The following HMCN1 variants were observed in gnomAD, a reference collection of about 807,000 sequenced individuals.
The protein encoded by HMCN1 is hemicentin 1.
In HMCN1, 321 loss-of-function variants were observed where a neutral mutation model predicts 625.9. That is an observed-to-expected ratio of 0.51 (90% CI 0.47 to 0.56). HMCN1 has a LOEUF of 0.56. HMCN1 is among the 20% of genes least tolerant of loss of function. The probability of loss-of-function intolerance (pLI) is 0.00; values close to 1 mark genes in which losing one functional copy is unlikely to be tolerated. For synonymous variants in HMCN1, 2,425 were observed against 2,417.6 expected (o/e 1.00, Z -0.09); for missense variants, 6,588 against 6,887.3 (o/e 0.96, Z 1.54).
At chr1:186,016,580 T>G (rs1040044098) in intron 32 of HMCN1, among the ~76,000 whole-genome samples, 2 of 152,096 alleles carry the variant, frequency 1.3e-5, no homozygotes, top group Non-Finnish European at 2.9e-5. Context: ...CTCTGGGCCT[T>G]GGAAAGTCAT....
At chr1:185,979,111 G>T (rs1571653348) in intron 16 of HMCN1, among the ~76,000 whole-genome samples, 1 of 152,128 alleles carries the variant, frequency 6.6e-6, no homozygotes, top group African/African-American at 2.4e-5. Flanking sequence ...CAGATATAGG[G>T]TCCCTCACTC....
chr1:185,775,921 C>T (rs1341851845), intron 1 of HMCN1, among the ~76,000 whole-genome samples: 1 of 152,116 alleles, frequency 6.6e-6, no homozygotes, highest in Non-Finnish European at 1.5e-5. Context: ...CTCTGCTGTA[C>T]CCTATGGTAA....
At chr1:186,043,895 C>A (rs959429650) in intron 40 of HMCN1, among the ~76,000 whole-genome samples, 36 of 151,968 alleles carry the variant, frequency 2.4e-4, no homozygotes, top group African/African-American at 7.5e-4. Flanking sequence ...CATGGTGAAA[C>A]CCTGTCTCCA....
At chr1:185,868,876 G>T (rs1663436225) in intron 4 of HMCN1, among the ~76,000 whole-genome samples, 1 of 152,130 alleles carries the variant, frequency 6.6e-6, no homozygotes, top group South Asian at 2.1e-4. Context: ...TGTTGTTAGT[G>T]TTTCTCTCCT....
chr1:185,784,047 C>T (rs141265137), intron 1 of HMCN1, among the ~76,000 whole-genome samples: 7,505 of 152,268 alleles, frequency 0.049, 564 homozygotes, highest in African/African-American at 0.17. Context: ...CAAGCCTCAG[C>T]AATGGCGGTC....
At chr1:186,170,161 G>A (rs960226327) in intron 100 of HMCN1, among the ~76,000 whole-genome samples, 1 of 152,144 alleles carries the variant, frequency 6.6e-6, no homozygotes, top group African/African-American at 2.4e-5. Context: ...TAAAAAGTCA[G>A]GAAACAACAA....
At chr1:185,807,721 T>C (rs1035348619) in intron 1 of HMCN1, among the ~76,000 whole-genome samples, 1 of 152,234 alleles carries the variant, frequency 6.6e-6, no homozygotes. Flanking sequence ...ACTTCTTTCA[T>C]GTTTATGAAT....
intron 8 of HMCN1, among the ~76,000 whole-genome samples, chr1:185,924,571 A>G (rs1667178501): frequency 3.3e-5 from 5 of 152,108 alleles, no homozygotes. Context: ...ACCAACCTCA[A>G]TATTTCCTCA....
intron 64 of HMCN1, 84 bp downstream of exon 64, chr1:186,091,001 A>G: frequency 2.8e-6 from 4 of 1,425,854 alleles, no homozygotes; most frequent in Non-Finnish European, 3.9e-6. Context: ...GAATAATAAT[A>G]CCGAATTCCA....
chr1:185,765,340 G>A (rs1250299528), intron 1 of HMCN1, among the ~76,000 whole-genome samples: 3 of 152,072 alleles, frequency 2.0e-5, no homozygotes, highest in Admixed American at 2.0e-4. Context: ...AAGAAAGAGA[G>A]AGTTAAAGGA....
intron 52 of HMCN1, among the ~76,000 whole-genome samples, chr1:186,072,730 A>G (rs966928347): frequency 6.6e-6 from 1 of 152,230 alleles, no homozygotes; most frequent in Non-Finnish European, 1.5e-5. Flanking sequence ...AGAGCACAGC[A>G]AGGGCAAAGG....
intron 29 of HMCN1, among the ~76,000 whole-genome samples, chr1:186,005,993 A>G (rs1653604299): frequency 6.6e-6 from 1 of 151,976 alleles, no homozygotes; most frequent in Non-Finnish European, 1.5e-5. Context: ...AAAATTAGCC[A>G]TGCGTGGTGG....
chr1:186,125,891 TAA>T, intron 82 of HMCN1, 97 bp downstream of exon 82: 1 of 790,766 alleles, frequency 1.3e-6, no homozygotes, highest in Non-Finnish European at 2.0e-6. Flanking sequence ...CTTTAATAAT[TAA>T]AAAAAATATT....
chr1:185,770,825 C>T (rs1231501738), intron 1 of HMCN1, among the ~76,000 whole-genome samples: 1 of 152,162 alleles, frequency 6.6e-6, no homozygotes, highest in African/African-American at 2.4e-5. Context: ...ATAAAATTGA[C>T]ATTTAAGTGC....
intron 1 of HMCN1, among the ~76,000 whole-genome samples, chr1:185,780,121 A>C (rs1656954434): frequency 6.6e-6 from 1 of 152,106 alleles, no homozygotes. Flanking sequence ...TGTGAATGGG[A>C]GTTCACTCAT....
chr1:186,178,279 G>C, intron 103 of HMCN1, 137 bp from the exon 104 acceptor site: 1 of 685,982 alleles, frequency 1.5e-6, no homozygotes, highest in Non-Finnish European at 2.6e-6. Flanking sequence ...AACAGTTGAG[G>C]AGAAATTACT....
intron 11 of HMCN1, among the ~76,000 whole-genome samples, chr1:185,940,608 A>T (rs575254423): frequency 1.3e-5 from 2 of 152,352 alleles, no homozygotes; most frequent in Admixed American, 1.3e-4. Context: ...ATATTATAGC[A>T]CACTCCCAAA....
At chr1:186,119,916 T>G in intron 79 of HMCN1, 34 bp downstream of exon 79, 1 of 1,614,068 alleles carries the variant, frequency 6.2e-7, no homozygotes, top group East Asian at 2.2e-5. Context: ...AAGAAAATCA[T>G]AGCACATCAG....
chr1:185,851,879 G>A (rs1558015299), intron 2 of HMCN1, among the ~76,000 whole-genome samples: 1 of 151,542 alleles, frequency 6.6e-6, no homozygotes. Flanking sequence ...AGATTACAAT[G>A]CCAACTTTTG....
Sources: gnomAD v4.1 joint callset for allele counts (sites outside exome capture counted in the v4.1 genomes callset) on GRCh38, gnomAD v4.1.1 for gene constraint, MANE v1.5 for transcripts, NCBI Gene and HGNC (gene_info 2026-07-23, HGNC 2026-07-21) for gene names.